The following RNF180 variants were observed in gnomAD, a reference collection of about 807,000 sequenced individuals.
RNF180 encodes ring finger protein 180.
RNF180 carries 38 observed loss-of-function variants against 59.2 expected under a neutral mutation model. The observed-to-expected ratio is 0.64, with a 90% confidence interval of 0.50 to 0.84. RNF180 has a LOEUF of 0.84. Among genes scored for constraint, RNF180 ranks in the 40% least tolerant of loss-of-function variants. The pLI, the probability that RNF180 is intolerant of heterozygous loss-of-function variation, is 0.00. For missense variants in RNF180, 705 were observed against 700.9 expected, an observed-to-expected ratio of 1.01 and a Z score of -0.07; for synonymous variants, 262 against 240.3, an observed-to-expected ratio of 1.09 and a Z score of -0.84.
At chr5:64,353,308 AAATGT>A (rs1340330681) in intron 7 of RNF180, among the ~76,000 whole-genome samples, 1 of 151,802 alleles carries the variant, frequency 6.6e-6, no homozygotes, top group Non-Finnish European at 1.5e-5. Context: ...GACTATTAGA[AAATGT>A]AATAGAACAT....
Position 64,295,510 on chromosome 5 carries a change from G to A in RNF180, c.1228-29676G>A, listed in dbSNP as rs565523192. Among the ~76,000 whole-genome samples the A allele has an allele frequency of 3.2e-4, 49 of 152,242 alleles. 1 individual carries two copies. In the South Asian group the frequency reaches 7.9e-3, roughly 24 times the overall value. On this transcript the variant is annotated intron_variant, in intron 5 of 7. Coordinates refer to ENST00000389100, the MANE Select transcript of RNF180 (RefSeq NM_001113561.2). Reference sequence around the variant, plus strand: ...TAATGCATAAGGTTGGAACATAATCGTTCATGGGGGCCTTTCAAAAGATTG... The same window carrying A: ...TAATGCATAAGGTTGGAACATAATCATTCATGGGGGCCTTTCAAAAGATTG...
chr5:64,344,916 T>C (rs1168140023), intron 7 of RNF180, among the ~76,000 whole-genome samples: 1 of 151,938 alleles, frequency 6.6e-6, no homozygotes, highest in Non-Finnish European at 1.5e-5. Flanking sequence ...GATCCCAAGA[T>C]GAAGAGTAGA....
intron 5 of RNF180, among the ~76,000 whole-genome samples, chr5:64,276,087 A>G (rs1036398910): frequency 6.6e-6 from 1 of 152,094 alleles, no homozygotes; most frequent in South Asian, 2.1e-4. Flanking sequence ...TTTGTCTACT[A>G]TGTGTTGAGC....
intron 5 of RNF180, among the ~76,000 whole-genome samples, chr5:64,221,060 A>T (rs1422926299): frequency 6.6e-6 from 1 of 152,058 alleles, no homozygotes; most frequent in Non-Finnish European, 1.5e-5. Context: ...GCATATAGAG[A>T]TCATTTTGAA....
At chr5:64,172,907 A>G (rs188914157) in intron 1 of RNF180, among the ~76,000 whole-genome samples, 1 of 152,340 alleles carries the variant, frequency 6.6e-6, no homozygotes, top group East Asian at 1.9e-4. Context: ...GAATGCTAAA[A>G]AAGGCTGAAC....
chr5:64,236,917 A>G (rs1379968627), intron 5 of RNF180, among the ~76,000 whole-genome samples: 2 of 152,162 alleles, frequency 1.3e-5, no homozygotes, highest in Non-Finnish European at 2.9e-5. Context: ...ACCTCCACCT[A>G]GATTTCAGAG....
intron 5 of RNF180, among the ~76,000 whole-genome samples, chr5:64,235,053 G>A (rs1313594346): frequency 6.6e-6 from 1 of 152,174 alleles, no homozygotes; most frequent in African/African-American, 2.4e-5. Flanking sequence ...AGGGCAGGAG[G>A]ATCACTTTAT....
chr5:64,218,177 T>G (rs1201640258), intron 5 of RNF180, among the ~76,000 whole-genome samples: 2 of 152,226 alleles, frequency 1.3e-5, no homozygotes, highest in East Asian at 3.8e-4. Flanking sequence ...TTTGGTGTTG[T>G]ATCTAAGAAC....
At chr5:64,255,309 T>C (rs1743867541) in intron 5 of RNF180, among the ~76,000 whole-genome samples, 1 of 152,140 alleles carries the variant, frequency 6.6e-6, no homozygotes, top group Admixed American at 6.6e-5. Flanking sequence ...ACCCATTAAC[T>C]CGTCATTTAC....
intron 5 of RNF180, among the ~76,000 whole-genome samples, chr5:64,236,931 A>G (rs377687451): frequency 5.9e-5 from 9 of 152,196 alleles, no homozygotes; most frequent in Non-Finnish European, 1.0e-4. Context: ...TTCAGAGTAT[A>G]TATGGAAATG....
chr5:64,180,420 T>C (rs1278500583), intron 1 of RNF180, among the ~76,000 whole-genome samples: 1 of 152,222 alleles, frequency 6.6e-6, no homozygotes, highest in African/African-American at 2.4e-5. Context: ...ATTATGAATT[T>C]TTAAAAAATT....
intron 7 of RNF180, among the ~76,000 whole-genome samples, chr5:64,368,950 C>T (rs981779949): frequency 6.6e-6 from 1 of 152,012 alleles, no homozygotes; most frequent in African/African-American, 2.4e-5. Context: ...CCCAGCCATC[C>T]CATTACTGGG....
rs142730361 is a variant in RNF180, at chr5:64,232,829, A to T, written c.1227+15433A>T. Among the ~76,000 whole-genome samples the T allele has an allele frequency of 1.1e-4, 17 of 152,344 alleles. No homozygotes were observed. In the East Asian group the frequency reaches 3.1e-3, roughly 28 times the overall value. On this transcript the variant is annotated intron_variant, in intron 5 of 7. Coordinates refer to ENST00000389100, the MANE Select transcript of RNF180 (RefSeq NM_001113561.2). Reference sequence around the variant, plus strand: ...ATATTATTCACTCAATGTTCAAGGCAGCCTGTAAGGTGTTTACTTTATTAT... The same window carrying T: ...ATATTATTCACTCAATGTTCAAGGCTGCCTGTAAGGTGTTTACTTTATTAT...
rs1561230948 is a variant in RNF180 at position 64,272,277 on chromosome 5, G to A, written c.1228-52909G>A. 3.3e-5 allele frequency among the ~76,000 whole-genome samples: 5 copies of A among 152,046 alleles called. 1 individual carries two copies. In the South Asian group the frequency reaches 8.3e-4, roughly 25 times the overall value. ...GGAAGGCTTTCCAAATTGAAAAAGT[G>A]TCCTTTTGGCCAAGATCTAGTAAAT... is the stretch of plus-strand genomic sequence containing the variant. On this transcript the variant is annotated intron_variant, in intron 5 of 7. Transcript: ENST00000389100.
chr5:64,355,704 G>A (rs1745992029), intron 7 of RNF180, among the ~76,000 whole-genome samples: 1 of 151,932 alleles, frequency 6.6e-6, no homozygotes, highest in Admixed American at 6.6e-5. Flanking sequence ...TAGACATATA[G>A]ATCAAGGGAA....
intron 7 of RNF180, among the ~76,000 whole-genome samples, chr5:64,357,275 C>T (rs953209220): frequency 2.6e-5 from 4 of 151,770 alleles, no homozygotes; most frequent in African/African-American, 9.7e-5. Flanking sequence ...TAACTCTATA[C>T]CTAGTTGTGA....
At position 64,372,664 on chromosome 5, in the gene RNF180, A is replaced by C. The variant is rs1256749267; in HGVS notation, c.*2850A>C. On this transcript the variant is annotated 3_prime_UTR_variant, in exon 8 of 8. Coordinates refer to ENST00000389100, the MANE Select transcript of RNF180 (RefSeq NM_001113561.2). ...GAGCATTCTCTGATTAAATGCAATT[A>C]CAGTTGGAGTCTTTGATTCTTCACA... 1 of 151,960 alleles carries C rather than the reference A, an allele frequency of 6.6e-6. No individual in the cohort carries two copies. The highest frequency in any genetic ancestry group is 1.5e-5 in the Non-Finnish European group (1 of 67,926). The allele number at this position is 151,960 out of a possible 1,614,324, so 9.4% of individuals were successfully genotyped here.
At chr5:64,237,410 T>C (rs546462256) in intron 5 of RNF180, among the ~76,000 whole-genome samples, 1 of 152,274 alleles carries the variant, frequency 6.6e-6, no homozygotes, top group African/African-American at 2.4e-5. Flanking sequence ...AATGGGAACA[T>C]TTACCCAATG....
In RNF180 at chr5:64,263,418, G is replaced by C. The variant is rs1463841969; in HGVS notation, c.1227+46022G>C. On this transcript the variant is annotated intron_variant, in intron 5 of 7. Coordinates refer to ENST00000389100, the MANE Select transcript of RNF180 (RefSeq NM_001113561.2). ...AGATGTGCACAGTTAGCTCTTTTGA[G>C]TTAGTATGAGTTGTCTCTAGCACAT... is the stretch of plus-strand genomic sequence containing the variant. Among the ~76,000 whole-genome samples the C allele has an allele frequency of 2.0e-5, 3 of 152,284 alleles. No individual in the cohort carries two copies. The East Asian group carries it at 5.8e-4, about 29-fold the overall frequency.
Sources: allele counts gnomAD v4.1 joint callset (sites outside exome capture counted in the v4.1 genomes callset), GRCh38; gene constraint gnomAD v4.1.1; transcripts MANE v1.5; gene names NCBI Gene and HGNC (gene_info 2026-07-23, HGNC 2026-07-21).